CENPF: variants seen among roughly 807,000 people sequenced by gnomAD.
CENPF encodes the protein AH antigen.
CENPF carries 214 observed loss-of-function variants against 307.3 expected under a neutral mutation model. The observed-to-expected ratio is 0.70, with a 90% CI of 0.62 to 0.78. The LOEUF is 0.78. Ranked by LOEUF, CENPF falls within the 30% of genes least tolerant of loss-of-function variation. CENPF has a pLI of 0.00. For missense variants in CENPF, 3,401 were observed against 3,483.9 expected, an observed-to-expected ratio of 0.98 and a Z score of 0.60; for synonymous variants, 1,259 against 1,270.6, an observed-to-expected ratio of 0.99 and a Z score of 0.19.
In CENPF at chr1:214,647,175, G is replaced by A. The variant is rs573311675; in HGVS notation, c.7605G>A (p.Glu2535=). 77 of 1,614,106 alleles carry A rather than the reference G, an allele frequency of 4.8e-5. 1 individual carries two copies. In the South Asian group the frequency reaches 7.9e-4, roughly 17 times the overall value. ...TGAAAAATCAAATTCAAGACCAAGA[G>A]CAGCTTGTCTCTAAACTGTCCCAGG... is the stretch of plus-strand genomic sequence containing the variant. ...SRLKNQIQDQ[E]QLVSKLSQVE... Residue 2535 remains glutamate, a synonymous_variant, in exon 13 of 20, where the codon GAG becomes GAA. Transcript: ENST00000366955.
At chr1:214,660,012 A>G (rs1658749694) in intron 19 of CENPF, among the ~76,000 whole-genome samples, 1 of 152,222 alleles carries the variant, frequency 6.6e-6, no homozygotes, top group Non-Finnish European at 1.5e-5. Flanking sequence ...GTGTAATGTG[A>G]TAATTCATAA....
chr1:214,630,468 T>C (rs1657775161), intron 8 of CENPF, 66 bp from the exon 9 acceptor site: 3 of 1,594,054 alleles, frequency 1.9e-6, no homozygotes, highest in East Asian at 4.5e-5. Flanking sequence ...AGGATGCTCA[T>C]GCCTCACCCT....
chr1:214,630,765 C>T (rs934829752), intron 9 of CENPF, 103 bp downstream of exon 9: 38 of 1,408,608 alleles, frequency 2.7e-5, no homozygotes, highest in Middle Eastern at 3.7e-4. Flanking sequence ...AAAGAAAAAG[C>T]GCTCCACCTT....
chr1:214,628,371 G>C (rs1250107381), intron 7 of CENPF, among the ~76,000 whole-genome samples: 3 of 151,750 alleles, frequency 2.0e-5, no homozygotes, highest in African/African-American at 2.4e-5. Flanking sequence ...CATTTACTCT[G>C]TGGTGCAAGG....
chr1:214,643,076 GA>G lies in CENPF; in HGVS notation c.4741del (p.Ile1581PhefsTer8). On this transcript the variant is annotated frameshift_variant, in exon 12 of 20. Transcript: ENST00000366955. LOFTEE classifies it high-confidence loss of function. Reference protein sequence around the residue: ...MESQGIMKNKEIQELEQLLSS... With the variant: ...MESQGIMKNKXIQELEQLLSS... Reference sequence around the variant, plus strand: ...AAGTCAAGGGATTATGAAAAATAAGGAAATTCAAGAGCTCGAGCAGTTATTA... The same window carrying G: ...AAGTCAAGGGATTATGAAAAATAAGGAATTCAAGAGCTCGAGCAGTTATTA... 6.2e-7 allele frequency: 1 copy of G among 1,610,468 alleles called. No homozygotes were observed. Among genetic ancestry groups the G allele is most frequent in the Non-Finnish European group, 8.5e-7 (1 of 1,179,080 alleles).
chr1:214,618,192 C>T (rs1013309172), intron 3 of CENPF, among the ~76,000 whole-genome samples: 3 of 152,174 alleles, frequency 2.0e-5, no homozygotes, highest in African/African-American at 7.2e-5. Flanking sequence ...TCACCTCTCA[C>T]CGGGTCCCCA....
chr1:214,662,155 C>A (rs1658802758), intron 19 of CENPF, among the ~76,000 whole-genome samples: 1 of 151,752 alleles, frequency 6.6e-6, no homozygotes, highest in Admixed American at 6.6e-5. Flanking sequence ...TATGGGCTAT[C>A]TGTCTCTCTC....
intron 10 of CENPF, among the ~76,000 whole-genome samples, chr1:214,636,313 G>A (rs1280356533): frequency 2.0e-5 from 3 of 152,166 alleles, no homozygotes; most frequent in Non-Finnish European, 4.4e-5. Flanking sequence ...TAACATTGTT[G>A]CACCTTAATG....
At chr1:214,623,511 C>T (rs1473469921) in intron 7 of CENPF, among the ~76,000 whole-genome samples, 1 of 152,090 alleles carries the variant, frequency 6.6e-6, no homozygotes, top group Admixed American at 6.5e-5. Context: ...CTTCTTAAGA[C>T]TCCAACGGAG....
rs1239884217 is a variant in CENPF at position 214,652,960 on chromosome 1, C to T, written c.8293C>T (p.Gln2765Ter). 6.2e-7 allele frequency: 1 copy of T among 1,605,558 alleles called. No homozygotes were observed. Among genetic ancestry groups the T allele is most frequent in the Non-Finnish European group, 8.5e-7 (1 of 1,177,594 alleles). ...ELNNSLKATTQILEELKKTKM... is the reference protein window; with the variant it reads ...ELNNSLKATT ...CAATAATTCATTGAAAGCTACTACT[C>T]AGATTTTGGAAGAATTGAAGAAAAC... The change falls in exon 16 of 20, where the codon CAG becomes TAG. Residue 2765 changes from glutamine to a stop codon, truncating the protein, a stop_gained. Transcript: ENST00000366955. LOFTEE classifies it high-confidence loss of function.
At chr1:214,605,487 G>T in intron 1 of CENPF, 40 of 492,852 alleles carry the variant, frequency 8.1e-5, no homozygotes, top group South Asian at 3.3e-4. Flanking sequence ...CTGTTTTCAC[G>T]TATTTTCTTC....
chr1:214,646,877 C>T lies in CENPF; in HGVS notation c.7307C>T (p.Ser2436Leu), dbSNP rs771199196. 9.9e-6 allele frequency: 16 copies of T among 1,613,612 alleles called. No homozygotes were observed. The highest frequency in any genetic ancestry group is 1.7e-4 in the Middle Eastern group (1 of 6,056). ...EQEKVQMKEK[S>L]STAMEMLQTQ... is the part of the protein sequence containing the mutation. The stretch of plus-strand genomic sequence containing the variant: ...GAGAAAGTACAGATGAAAGAAAAAT[C>T]AAGCACTGCCATGGAGATGCTTCAA... The change falls in exon 13 of 20, where the codon TCA becomes TTA. Residue 2436 changes from serine (S) to leucine (L), a missense_variant. By Grantham distance (145) the Ser-to-Leu change is moderately radical. Transcript: ENST00000366955.
rs1348368488 is a variant in CENPF at position 214,663,818 on chromosome 1, C to T, written c.*24C>T. The T allele has an allele frequency of 5.0e-6, 8 of 1,591,150 alleles. No homozygotes were observed. Among genetic ancestry groups the T allele is most frequent in the Non-Finnish European group, 6.9e-6 (8 of 1,161,850 alleles). On this transcript the variant is annotated 3_prime_UTR_variant, in exon 20 of 20. Coordinates refer to ENST00000366955, the MANE Select transcript of CENPF (RefSeq NM_016343.4). The stretch of plus-strand genomic sequence containing the variant: ...GAAGGCACTTTGTGTGTCAGTACCC[C>T]TGGGAGGTGCCAGTCATTGAATAGA...
At chr1:214,613,274 C>T (rs1268401734) in intron 1 of CENPF, 8 of 252,608 alleles carry the variant, frequency 3.2e-5, no homozygotes, top group Non-Finnish European at 3.2e-5. Flanking sequence ...TGTCCCAGGT[C>T]TTCATCATCT....
rs765876947 is a variant in CENPF at position 214,655,290 on chromosome 1, C to T, written c.8372C>T (p.Ala2791Val). 7.0e-5 allele frequency: 112 copies of T among 1,608,072 alleles called. No individual in the cohort carries two copies. The East Asian group carries it at 2.4e-3, about 34-fold the overall frequency. Reference sequence around the variant, plus strand: ...CAGTTGAAGAAGGAAAATGAACGTGCCCAGGGGAAAATGAAGTTGTTGATC... The same window carrying T: ...CAGTTGAAGAAGGAAAATGAACGTGTCCAGGGGAAAATGAAGTTGTTGATC... ...VNQLKKENER[A>V]QGKMKLLIKS... The change falls in exon 17 of 20, where the codon GCC becomes GTC. Residue 2791 changes from alanine to valine, a missense_variant. Physicochemically the swap from Ala to Val is moderately conservative, Grantham distance 64. Coordinates refer to ENST00000366955, the MANE Select transcript of CENPF (RefSeq NM_016343.4).
intron 4 of CENPF, 99 bp downstream of exon 4, chr1:214,618,793 T>A (rs1657428512): frequency 8.1e-7 from 1 of 1,241,586 alleles, no homozygotes; most frequent in East Asian, 2.4e-5. Flanking sequence ...ATTAAACTTT[T>A]AATGTATATG....
intron 9 of CENPF, among the ~76,000 whole-genome samples, chr1:214,631,994 A>G (rs1169949350): frequency 6.6e-6 from 1 of 152,200 alleles, no homozygotes; most frequent in Non-Finnish European, 1.5e-5. Context: ...CACTTCCTTG[A>G]TTACCATTGA....
In CENPF at chr1:214,641,668, G is replaced by A. The variant is rs1298487131; in HGVS notation, c.3330G>A (p.Leu1110=). ...AGTTGGAGACAGTGCAGCAAGCTCT[G>A]AGATCTGAGATGACAGATAACCAAA... ...MLELETVQQA[L]RSEMTDNQNN... Residue 1110 remains leucine, a synonymous_variant, in exon 12 of 20, where the codon CTG becomes CTA. Transcript: ENST00000366955. The A allele has an allele frequency of 4.4e-6, 7 of 1,580,324 alleles. No individual in the cohort carries two copies. The highest frequency in any genetic ancestry group is 6.0e-6 in the Non-Finnish European group (7 of 1,166,176).
chr1:214,655,473 G>A (rs568916115), intron 17 of CENPF, 70 bp downstream of exon 17: 103 of 1,252,766 alleles, frequency 8.2e-5, no homozygotes, highest in Middle Eastern at 7.9e-4. Context: ...TATGGTATGC[G>A]TGCATAGGAA....
Sources: gnomAD v4.1 joint callset for allele counts (sites outside exome capture counted in the v4.1 genomes callset) on GRCh38, gnomAD v4.1.1 for gene constraint, MANE v1.5 for transcripts, NCBI Gene and HGNC (gene_info 2026-07-23, HGNC 2026-07-21) for gene names.